FBN1: variants seen among roughly 807,000 people sequenced by gnomAD.
The protein encoded by FBN1 is fibrillin 1.
In FBN1, 29 loss-of-function variants were observed where a neutral mutation model predicts 365.1. The observed-to-expected ratio is 0.08, with a 90% CI of 0.06 to 0.11. FBN1 has a LOEUF of 0.11. Ranked by LOEUF, FBN1 falls within the 10% of genes least tolerant of loss-of-function variation. The probability of loss-of-function intolerance (pLI) is 1.00; values close to 1 mark genes in which losing one functional copy is unlikely to be tolerated. For synonymous variants in FBN1, 1,210 were observed against 1,270.5 expected, an observed-to-expected ratio of 0.95 and a Z score of 1.01; for missense variants, 2,476 against 3,703.2, an observed-to-expected ratio of 0.67 and a Z score of 8.60.
chr15:48,448,165 T>C (rs1293751300), intron 46 of FBN1, among the ~76,000 whole-genome samples: 1 of 151,910 alleles, frequency 6.6e-6, no homozygotes, highest in Non-Finnish European at 1.5e-5. Flanking sequence ...GCTGTGAATC[T>C]GATTTATGTT....
intron 2 of FBN1, among the ~76,000 whole-genome samples, chr15:48,627,204 T>C (rs1889901657): frequency 1.3e-5 from 2 of 152,220 alleles, no homozygotes; most frequent in Admixed American, 1.3e-4. Flanking sequence ...TTACTAGGTT[T>C]GCAAAATAAA....
chr15:48,645,033 C>T, intron 1 of FBN1, 83 bp from the exon 2 acceptor site: 1 of 299,864 alleles, frequency 3.3e-6, no homozygotes, highest in Non-Finnish European at 6.0e-6. Flanking sequence ...CATTCCCAAG[C>T]CCAACCCGTG....
At chr15:48,468,345 T>C (rs560031367) in intron 37 of FBN1, 67 bp downstream of exon 37, 45 of 1,587,210 alleles carry the variant, frequency 2.8e-5, no homozygotes, top group African/African-American at 8.0e-5. Context: ...GAGAATGGAA[T>C]GTTTGGTGCT....
chr15:48,463,330 G>T, intron 41 of FBN1, 90 bp from the exon 42 acceptor site: 4 of 1,258,992 alleles, frequency 3.2e-6, no homozygotes, highest in Non-Finnish European at 4.7e-6. Context: ...CAACAAGCAA[G>T]TTTCATTTGA....
intron 2 of FBN1, among the ~76,000 whole-genome samples, chr15:48,627,504 C>T (rs532136535): frequency 1.3e-5 from 2 of 152,348 alleles, no homozygotes; most frequent in African/African-American, 2.4e-5. Context: ...AGTACACACA[C>T]TTCAACATGG....
intron 6 of FBN1, among the ~76,000 whole-genome samples, chr15:48,544,928 A>G (rs2141366828): frequency 6.6e-6 from 1 of 152,318 alleles, no homozygotes. Flanking sequence ...AGATAATAAA[A>G]TCATACAGAA....
At chr15:48,516,006 T>C (rs923528575) in intron 11 of FBN1, among the ~76,000 whole-genome samples, 177 bp downstream of exon 11, 1 of 152,172 alleles carries the variant, frequency 6.6e-6, no homozygotes, top group Non-Finnish European at 1.5e-5. Context: ...TTTTTCTCTA[T>C]GCAATAGGAA....
intron 2 of FBN1, chr15:48,641,347 C>G (rs1230572445): frequency 6.6e-6 from 1 of 151,210 alleles, no homozygotes; most frequent in African/African-American, 2.4e-5. Context: ...GAGAGGAAGA[C>G]AAGCTGGGAC....
At chr15:48,622,805 C>T (rs1190921403) in intron 2 of FBN1, among the ~76,000 whole-genome samples, 1 of 152,158 alleles carries the variant, frequency 6.6e-6, no homozygotes, top group African/African-American at 2.4e-5. Context: ...AGCCCTCACT[C>T]ATGCACGCAC....
At chr15:48,550,417 C>G (rs1314032125) in intron 6 of FBN1, among the ~76,000 whole-genome samples, 4 of 152,138 alleles carry the variant, frequency 2.6e-5, no homozygotes, top group African/African-American at 9.7e-5. Flanking sequence ...TACAGAGTAT[C>G]CCTCACACCC....
At chr15:48,575,022 A>C (rs576534745) in intron 6 of FBN1, among the ~76,000 whole-genome samples, 11 of 152,368 alleles carry the variant, frequency 7.2e-5, no homozygotes, top group African/African-American at 2.6e-4. Flanking sequence ...CTATAGGTTA[A>C]ACATAAAAAC....
rs2044671075 is a variant in FBN1 at position 48,613,238 on chromosome 15, GGGTT to G, written c.165-150_165-147del. The G allele has an allele frequency of 1.2e-5, 8 of 687,640 alleles. No homozygotes were observed. In the East Asian group the frequency reaches 2.1e-4, roughly 18 times the overall value. 42.6% of individuals were successfully genotyped at this position (687,640 alleles called of 1,614,324 possible). On this transcript the variant is annotated intron_variant, in intron 2 of 65. Coordinates refer to ENST00000316623, the MANE Select transcript of FBN1 (RefSeq NM_000138.5). ...AAGCAAACTCATGAGACTCAATGCT[GGGTT>G]GGTAGCTTGGGACACTAACATAGTG...
chr15:48,433,264 G>T (rs1327374343), intron 54 of FBN1, among the ~76,000 whole-genome samples: 1 of 152,112 alleles, frequency 6.6e-6, no homozygotes, highest in Non-Finnish European at 1.5e-5. Context: ...TATTTAGGTG[G>T]ATGGGAAATT....
At chr15:48,638,041 T>TA (rs1890126460) in intron 2 of FBN1, among the ~76,000 whole-genome samples, 1 of 151,924 alleles carries the variant, frequency 6.6e-6, no homozygotes, top group Admixed American at 6.6e-5. Flanking sequence ...GATAAACTTT[T>TA]TTTTTTTTTT....
chr15:48,435,772 A>ATATATGTATATATGTG (rs1555395092), intron 53 of FBN1, among the ~76,000 whole-genome samples: 7 of 106,346 alleles, frequency 6.6e-5, no homozygotes, highest in Non-Finnish European at 1.3e-4. Context: ...ATATGTGTAT[A>ATATATGTATATATGTG]TGTGTGTGTG....
Position 48,571,410 on chromosome 15 carries a change from T to C in FBN1, c.538+24873A>G, listed in dbSNP as rs2044304457. ...AACATGAATAAAAATATTTATTGAA[T>C]CTTTGAAAGCACAAAGACTTTCTAA... On this transcript the variant is annotated intron_variant, in intron 6 of 65. Coordinates refer to ENST00000316623, the MANE Select transcript of FBN1 (RefSeq NM_000138.5). 2.0e-5 allele frequency among the ~76,000 whole-genome samples: 3 copies of C among 152,176 alleles called. No homozygotes were observed. In the South Asian group the frequency reaches 6.2e-4, roughly 31 times the overall value.
chr15:48,494,082 AT>A (rs564069325), intron 23 of FBN1, 121 bp downstream of exon 23: 44 of 779,628 alleles, frequency 5.6e-5, no homozygotes, highest in African/African-American at 3.2e-4. Flanking sequence ...AGTTCTCATT[AT>A]TTTTTTTCTC....
At chr15:48,480,235 T>A (rs934307210) in intron 32 of FBN1, among the ~76,000 whole-genome samples, 1 of 152,174 alleles carries the variant, frequency 6.6e-6, no homozygotes, top group Non-Finnish European at 1.5e-5. Context: ...TGAATTTCAA[T>A]GTGCTCAGCT....
intron 59 of FBN1, 71 bp from the exon 60 acceptor site, chr15:48,425,562 C>A (rs572049021): frequency 1.9e-6 from 3 of 1,603,606 alleles, no homozygotes; most frequent in South Asian, 1.1e-5. Flanking sequence ...TCCACAGGGT[C>A]TAACGAAGAA....
Sources: gnomAD v4.1 joint callset for allele counts (sites outside exome capture counted in the v4.1 genomes callset) on GRCh38, gnomAD v4.1.1 for gene constraint, MANE v1.5 for transcripts, NCBI Gene and HGNC (gene_info 2026-07-23, HGNC 2026-07-21) for gene names.